The following PRKD1 variants were observed in gnomAD, a reference collection of about 807,000 sequenced individuals.
PRKD1 encodes protein kinase D1, also known as serine/threonine-protein kinase D1.
A neutral mutation model predicts 95.9 loss-of-function variants in PRKD1; 63 were observed. That is an observed-to-expected ratio of 0.66 (90% confidence interval 0.54 to 0.81). PRKD1 has a LOEUF of 0.81. Among genes scored for constraint, PRKD1 ranks in the 30% least tolerant of loss-of-function variants. The pLI, the probability that PRKD1 is intolerant of heterozygous loss-of-function variation, is 0.00. For synonymous variants in PRKD1, 425 were observed against 423.1 expected, an observed-to-expected ratio of 1.00 and a Z score of -0.05; for missense variants, 1,048 against 1,165.3, an observed-to-expected ratio of 0.90 and a Z score of 1.47.
At chr14:29,826,762 T>TATATATATATAC (rs1891173513) in intron 1 of PRKD1, among the ~76,000 whole-genome samples, 2 of 48,814 alleles carry the variant, frequency 4.1e-5, no homozygotes, top group South Asian at 1.4e-3. Context: ...TATATACATA[T>TATATATATATAC]ATATATACAC....
At chr14:29,837,114 T>C (rs1891639061) in intron 1 of PRKD1, among the ~76,000 whole-genome samples, 1 of 152,124 alleles carries the variant, frequency 6.6e-6, no homozygotes, top group African/African-American at 2.4e-5. Flanking sequence ...AAAGGGGTCA[T>C]GCACCTCCAC....
At chr14:29,919,409 G>T (rs1895004671) in intron 1 of PRKD1, among the ~76,000 whole-genome samples, 2 of 152,118 alleles carry the variant, frequency 1.3e-5, no homozygotes, top group Non-Finnish European at 2.9e-5. Flanking sequence ...CCATATAATT[G>T]AACACTCTGT....
In PRKD1 at chr14:29,777,621, C is replaced by T. The variant is rs143038113; in HGVS notation, c.265-51947G>A. 5.7e-3 allele frequency among the ~76,000 whole-genome samples: 868 copies of T among 152,276 alleles called. 6 individuals carry two copies. The highest frequency in any genetic ancestry group is 0.019 in the African/African-American group (792 of 41,556). On this transcript the variant is annotated intron_variant, in intron 1 of 17. Coordinates refer to ENST00000331968, the MANE Select transcript of PRKD1 (RefSeq NM_002742.3). ...ATCCTAAATATATATGAACCCAATA[C>T]GGGAGCACCCAGATTCATAAAGCAA...
At chr14:29,767,365 T>C (rs1323991491) in intron 1 of PRKD1, among the ~76,000 whole-genome samples, 2 of 152,192 alleles carry the variant, frequency 1.3e-5, no homozygotes, top group Non-Finnish European at 2.9e-5. Flanking sequence ...ATCCATAATC[T>C]ATGCGGCTTA....
At chr14:29,578,655 C>T (rs1325640596) in intron 16 of PRKD1, among the ~76,000 whole-genome samples, 1 of 144,312 alleles carries the variant, frequency 6.9e-6, no homozygotes, top group Non-Finnish European at 1.5e-5. Flanking sequence ...TTAACACTTT[C>T]TTTAATTTAG....
chr14:29,878,905 T>C (rs1893400757), intron 1 of PRKD1, among the ~76,000 whole-genome samples: 2 of 152,210 alleles, frequency 1.3e-5, no homozygotes, highest in Admixed American at 1.3e-4. Context: ...AAATTTATAC[T>C]ATGTATCTCT....
At chr14:29,599,873 A>G (rs774366712) in intron 13 of PRKD1, 56 bp from the exon 14 acceptor site, 1 of 1,502,196 alleles carries the variant, frequency 6.7e-7, no homozygotes, top group Non-Finnish European at 9.0e-7. Context: ...ACTGTTTGGC[A>G]AGCTCGCTGA....
chr14:29,635,085 T>G (rs982775471), intron 7 of PRKD1, among the ~76,000 whole-genome samples: 4 of 152,142 alleles, frequency 2.6e-5, no homozygotes, highest in African/African-American at 7.2e-5. Context: ...TATTTTGGGT[T>G]GAACTGTATG....
intron 2 of PRKD1, among the ~76,000 whole-genome samples, chr14:29,687,900 TA>T (rs1158723748): frequency 2.6e-5 from 4 of 152,210 alleles, no homozygotes; most frequent in African/African-American, 9.6e-5. Flanking sequence ...TTCATATCCA[TA>T]ATCTGATTTC....
chr14:29,596,510 G>A (rs1893310771), intron 16 of PRKD1, among the ~76,000 whole-genome samples: 1 of 152,112 alleles, frequency 6.6e-6, no homozygotes, highest in South Asian at 2.1e-4. Flanking sequence ...CTAGAGTGCA[G>A]TGGTGCAATC....
At chr14:29,883,520 GT>G (rs200013394) in intron 1 of PRKD1, among the ~76,000 whole-genome samples, 2,126 of 152,230 alleles carry the variant, frequency 0.014, 46 homozygotes, top group African/African-American at 0.049. Context: ...ACAGACATAT[GT>G]TTAACACAAT....
chr14:29,908,956 G>T (rs1220294306), intron 1 of PRKD1, among the ~76,000 whole-genome samples: 1 of 152,204 alleles, frequency 6.6e-6, no homozygotes, highest in Non-Finnish European at 1.5e-5. Context: ...GACTAGCCAA[G>T]GTCAGAGCTG....
At chr14:29,817,797 C>A (rs1339489803) in intron 1 of PRKD1, among the ~76,000 whole-genome samples, 1 of 152,006 alleles carries the variant, frequency 6.6e-6, no homozygotes, top group East Asian at 1.9e-4. Context: ...ATAAATTCCA[C>A]CCAAAAATCC....
At chr14:29,601,119 C>T (rs1430567747) in intron 13 of PRKD1, among the ~76,000 whole-genome samples, 1 of 151,922 alleles carries the variant, frequency 6.6e-6, no homozygotes, top group African/African-American at 2.4e-5. Flanking sequence ...AATTTAAAAC[C>T]TCAAATGGCT....
chr14:29,583,683 CT>C (rs45484493), intron 16 of PRKD1, among the ~76,000 whole-genome samples: 15,608 of 151,780 alleles, frequency 0.1, 906 homozygotes, highest in East Asian at 0.25. Context: ...TGTGGGAAGT[CT>C]TTTTTTTCTC....
At chr14:29,805,528 T>G (rs557939428) in intron 1 of PRKD1, among the ~76,000 whole-genome samples, 8 of 152,246 alleles carry the variant, frequency 5.3e-5, no homozygotes, top group Non-Finnish European at 7.3e-5. Context: ...AATTAAGTAA[T>G]AACAATGGCT....
At chr14:29,686,160 C>T (rs1489997761) in intron 2 of PRKD1, among the ~76,000 whole-genome samples, 1 of 152,180 alleles carries the variant, frequency 6.6e-6, no homozygotes, top group Non-Finnish European at 1.5e-5. Flanking sequence ...TGAAACCTCT[C>T]TTTGCCTTCC....
chr14:29,866,626 C>G (rs28615181), intron 1 of PRKD1, among the ~76,000 whole-genome samples: 24,934 of 152,040 alleles, frequency 0.16, 2,483 homozygotes, highest in African/African-American at 0.28. Context: ...GATGACACAA[C>G]AGGGGATGGG....
chr14:29,676,344 C>T (rs780022455), intron 2 of PRKD1, among the ~76,000 whole-genome samples: 1 of 151,830 alleles, frequency 6.6e-6, no homozygotes, highest in Non-Finnish European at 1.5e-5. Flanking sequence ...GAGATCAAGT[C>T]AAGAGTAGTA....
Sources: allele counts gnomAD v4.1 joint callset (sites outside exome capture counted in the v4.1 genomes callset), GRCh38; gene constraint gnomAD v4.1.1; transcripts MANE v1.5; gene names NCBI Gene and HGNC (gene_info 2026-07-23, HGNC 2026-07-21).